ASIC2: variants seen among roughly 807,000 people sequenced by gnomAD.
The protein encoded by ASIC2 is acid sensing ion channel subunit 2, also known as acid-sensing ion channel 2.
Under a neutral mutation model 57.3 loss-of-function variants are expected in ASIC2, and 25 were observed. The ratio of observed to expected loss-of-function variants is 0.44; its 90% CI spans 0.32 to 0.61. The LOEUF (loss-of-function observed/expected upper bound fraction) is 0.61, where lower values mean the gene tolerates loss of function less well. Among genes scored for constraint, ASIC2 ranks in the 20% least tolerant of loss-of-function variants. The pLI, the probability that ASIC2 is intolerant of heterozygous loss-of-function variation, is 0.06. For missense variants in ASIC2, 641 were observed against 738.1 expected (o/e 0.87, Z 1.52); for synonymous variants, 319 against 307.5 (o/e 1.04, Z -0.39).
At chr17:33,217,996 G>A (rs934577182) in intron 1 of ASIC2, among the ~76,000 whole-genome samples, 3 of 152,242 alleles carry the variant, frequency 2.0e-5, no homozygotes, top group Non-Finnish European at 2.9e-5. Flanking sequence ...CCCTCTTGGC[G>A]TAACCCAGCC....
chr17:33,351,041 G>T (rs1269760866), intron 1 of ASIC2, among the ~76,000 whole-genome samples: 1 of 152,104 alleles, frequency 6.6e-6, no homozygotes, highest in Non-Finnish European at 1.5e-5. Context: ...TCTCCTTGAT[G>T]TTCTTAGTAT....
chr17:34,072,130 TC>T (rs1420971529), intron 1 of ASIC2: 2 of 152,450 alleles, frequency 1.3e-5, no homozygotes, highest in African/African-American at 4.8e-5. Context: ...AGGGCAGGCA[TC>T]GGGGCGAGAA....
At chr17:33,141,050 AAG>A (rs1454675836) in intron 1 of ASIC2, among the ~76,000 whole-genome samples, 2 of 152,292 alleles carry the variant, frequency 1.3e-5, no homozygotes, top group African/African-American at 4.8e-5. Context: ...TTTGCAAAGA[AAG>A]AGAGTCGCCT....
rs183022010 is a variant in ASIC2, at chr17:33,599,197, G to A, written c.556-487130C>T. The stretch of plus-strand genomic sequence containing the variant: ...TTTTGAAAATGTGAGTGAAACCTTG[G>A]TGTGCATGGGATTAGGTGCACAACT... On this transcript the variant is annotated intron_variant, in intron 1 of 9. Coordinates refer to the ASIC2 transcript ENST00000359872. Among the ~76,000 whole-genome samples, 526 of 152,322 alleles carry A rather than the reference G, an allele frequency of 3.5e-3. 1 individual carries two copies. The highest frequency in any genetic ancestry group is 3.7e-3 in the Non-Finnish European group (254 of 68,030).
intron 1 of ASIC2, among the ~76,000 whole-genome samples, chr17:33,557,876 T>G (rs1433715884): frequency 6.6e-6 from 1 of 152,210 alleles, no homozygotes; most frequent in Non-Finnish European, 1.5e-5. Context: ...ATCATCATTA[T>G]CTCTCACTTG....
intron 1 of ASIC2, among the ~76,000 whole-genome samples, chr17:33,144,485 T>A (rs8076559): frequency 6.6e-6 from 1 of 152,188 alleles, no homozygotes; most frequent in Non-Finnish European, 1.5e-5. Flanking sequence ...TTGAACCCTG[T>A]GAGATACCCT....
intron 1 of ASIC2, among the ~76,000 whole-genome samples, chr17:33,363,838 T>C (rs1908705396): frequency 6.6e-6 from 1 of 152,122 alleles, no homozygotes; most frequent in African/African-American, 2.4e-5. Flanking sequence ...CCGGGCACAT[T>C]GGGGGAATAT....
intron 1 of ASIC2, among the ~76,000 whole-genome samples, chr17:33,427,370 A>G (rs1185954114): frequency 6.6e-6 from 1 of 152,212 alleles, no homozygotes; most frequent in East Asian, 1.9e-4. Flanking sequence ...CAGAACAAAG[A>G]ATTATGTATG....
intron 1 of ASIC2, among the ~76,000 whole-genome samples, chr17:33,912,839 C>T (rs1372077692): frequency 2.0e-5 from 3 of 151,810 alleles, no homozygotes; most frequent in Non-Finnish European, 2.9e-5. Flanking sequence ...ATTAGCGGGG[C>T]GTGGTGGTGC....
Position 33,291,761 on chromosome 17 carries a change from G to T in ASIC2, c.355C>A (p.Arg119=). The T allele has an allele frequency of 6.2e-7, 1 of 1,613,658 alleles. No homozygotes were observed. Among genetic ancestry groups the T allele is most frequent in the Non-Finnish European group, 8.5e-7 (1 of 1,179,916 alleles). ...TGGCGGCTCCACTCGCGGTGCACCC[G>T]CGTGTGTGACGGGAAGCTGAGCCAG... ...LYWLSFPSHT[R]VHREWSRQLP... The change falls in exon 1 of 10, where the codon CGG becomes AGG. Residue 119 remains arginine, a synonymous_variant. Coordinates refer to ENST00000225823, the MANE Select transcript of ASIC2 (RefSeq NM_183377.2).
intron 1 of ASIC2, among the ~76,000 whole-genome samples, chr17:33,824,288 A>G (rs138143528): frequency 0.017 from 2,545 of 152,300 alleles, 35 homozygotes; most frequent in Admixed American, 0.038. Context: ...GCCAAGGACT[A>G]TGAAGGACAT....
At chr17:33,318,817 C>G (rs892505798) in intron 1 of ASIC2, among the ~76,000 whole-genome samples, 1 of 151,964 alleles carries the variant, frequency 6.6e-6, no homozygotes, top group African/African-American at 2.4e-5. Context: ...ACAAGAAGGC[C>G]CTTTTGGTTT....
intron 1 of ASIC2, among the ~76,000 whole-genome samples, chr17:33,347,538 G>A (rs768469148): frequency 2.6e-4 from 40 of 152,132 alleles, no homozygotes; most frequent in Non-Finnish European, 4.6e-4. Flanking sequence ...AAAGTGTTTG[G>A]TAGAGAGTGG....
At chr17:33,068,004 C>T (rs1213844434) in intron 3 of ASIC2, among the ~76,000 whole-genome samples, 1 of 152,138 alleles carries the variant, frequency 6.6e-6, no homozygotes, top group Non-Finnish European at 1.5e-5. Context: ...CGGGCAAGAC[C>T]TTGTCTCTGA....
rs140621571 is a variant in ASIC2 at position 33,785,260 on chromosome 17, G to T, written c.555+370718C>A. ...CAAGCCAAGAAGAGAGGCCCCAGGA[G>T]AAACCAACCCTGCCGACACCTTGAA... On this transcript the variant is annotated intron_variant, in intron 1 of 9. Transcript: ENST00000359872. Among the ~76,000 whole-genome samples, 21 of 152,238 alleles carry T rather than the reference G, an allele frequency of 1.4e-4. No individual in the cohort carries two copies. The East Asian group carries it at 3.7e-3, about 27-fold the overall frequency.
intron 1 of ASIC2, chr17:33,692,561 T>C (rs1908405532): frequency 1.3e-5 from 2 of 152,320 alleles, no homozygotes; most frequent in African/African-American, 4.8e-5. Flanking sequence ...ATAGAAAATG[T>C]ACCGTGAAAA....
chr17:33,654,800 T>C (rs938487332), intron 1 of ASIC2, among the ~76,000 whole-genome samples: 1 of 152,206 alleles, frequency 6.6e-6, no homozygotes, highest in Non-Finnish European at 1.5e-5. Flanking sequence ...TACAGGATGC[T>C]AAGCCAGCCA....
chr17:33,099,165 T>G (rs2092199413), intron 2 of ASIC2, among the ~76,000 whole-genome samples: 1 of 151,660 alleles, frequency 6.6e-6, no homozygotes, highest in South Asian at 2.1e-4. Context: ...GCTAGGTTTT[T>G]TTTTGTTGTT....
chr17:33,760,504 A>G (rs980825882), intron 1 of ASIC2, among the ~76,000 whole-genome samples: 1 of 152,002 alleles, frequency 6.6e-6, no homozygotes, highest in African/African-American at 2.4e-5. Context: ...AGATATGCAT[A>G]TATATAAAGC....
Sources: allele counts gnomAD v4.1 joint callset (sites outside exome capture counted in the v4.1 genomes callset), GRCh38; gene constraint gnomAD v4.1.1; transcripts MANE v1.5; gene names NCBI Gene and HGNC (gene_info 2026-07-23, HGNC 2026-07-21).